Variants in GTF3C1 observed in about 807,000 individuals in gnomAD.
The protein encoded by GTF3C1 is general transcription factor IIIC subunit 1.
In GTF3C1, 57 loss-of-function variants were observed where a neutral mutation model predicts 226.7. The ratio of observed to expected loss-of-function variants is 0.25; its 90% confidence interval spans 0.20 to 0.31. GTF3C1 has a LOEUF of 0.31. GTF3C1 is among the 10% of genes least tolerant of loss of function. The probability of loss-of-function intolerance (pLI) is 1.00; values close to 1 mark genes in which losing one functional copy is unlikely to be tolerated. For synonymous variants in GTF3C1, 1,090 were observed against 1,084.8 expected (o/e 1.00, Z -0.09); for missense variants, 2,217 against 2,776.1 (o/e 0.80, Z 4.53).
At chr16:27,480,118 G>A (rs752628132) in intron 27 of GTF3C1, among the ~76,000 whole-genome samples, 6 of 150,828 alleles carry the variant, frequency 4.0e-5, no homozygotes, top group Non-Finnish European at 8.8e-5. Context: ...GGAGAATGAC[G>A]TGAACCTGGG....
intron 33 of GTF3C1, among the ~76,000 whole-genome samples, 179 bp from the exon 34 acceptor site, chr16:27,465,015 G>C (rs890925406): frequency 6.6e-6 from 1 of 152,224 alleles, no homozygotes; most frequent in Non-Finnish European, 1.5e-5. Context: ...CTGTGCCCTG[G>C]AGCAGCATCT....
At chr16:27,502,814 ACT>A (rs1165403195) in intron 11 of GTF3C1, 43 bp downstream of exon 11, 19 of 1,546,432 alleles carry the variant, frequency 1.2e-5, no homozygotes, top group Non-Finnish European at 1.6e-5. Context: ...TAGGAGGATT[ACT>A]GTTAGTGCCA....
In GTF3C1 at chr16:27,463,900, C is replaced by T. The variant is rs978372550; in HGVS notation, c.5873-308G>A. The T allele has an allele frequency of 2.8e-5, 12 of 428,096 alleles. No individual in the cohort carries two copies. Among genetic ancestry groups the T allele is most frequent in the African/African-American group, 4.2e-5 (2 of 48,146 alleles). 26.5% of individuals were successfully genotyped at this position (428,096 alleles called of 1,614,324 possible). ...CCGACCACAAGGGTGGTATAAAACC[C>T]GAGGCAAAAACACCCCAAAGAAAAC... On this transcript the variant is annotated intron_variant, in intron 34 of 36. Transcript: ENST00000356183. This position sits in a 1 kb window ranked among gnomAD's most constrained non-coding sequence, Gnocchi z 4.9.
Position 27,462,717 on chromosome 16 carries a change from G to GT in GTF3C1, c.5925-232dup. The GT allele has an allele frequency of 1.9e-6, 1 of 515,826 alleles. No individual in the cohort carries two copies. 32.0% of individuals were successfully genotyped at this position (515,826 alleles called of 1,614,324 possible). On this transcript the variant is annotated intron_variant, in intron 35 of 36. Coordinates refer to ENST00000356183, the MANE Select transcript of GTF3C1 (RefSeq NM_001520.4). This position sits in a 1 kb window ranked among gnomAD's most constrained non-coding sequence, Gnocchi z 4.5. ...ACGTGGTGTCCGCTCTGATGTAGCT[G>GT]TAACTGAGGCCTCAGTGGGCCCACC... is the stretch of plus-strand genomic sequence containing the variant.
In GTF3C1 at chr16:27,461,648, T is replaced by A. The variant is rs2141334903; in HGVS notation, c.6118-86A>T. ...CTTCAAGCATTTATGGAATGCCCCC[T>A]CTGTACCAGGGAGCCACTTCCCAGA... is the stretch of plus-strand genomic sequence containing the variant. On this transcript the variant is annotated intron_variant, in intron 36 of 36. Coordinates refer to ENST00000356183, the MANE Select transcript of GTF3C1 (RefSeq NM_001520.4). The surrounding 1 kb of genome is among the most constrained non-coding windows in gnomAD (Gnocchi z 5.3). 1.9e-6 allele frequency: 2 copies of A among 1,041,674 alleles called. No homozygotes were observed. The highest frequency in any genetic ancestry group is 2.9e-6 in the Non-Finnish European group (2 of 691,906). 64.5% of individuals were successfully genotyped at this position (1,041,674 alleles called of 1,614,324 possible). A position where few individuals can be genotyped will look rare whatever the true frequency, so the allele number is the denominator to read the frequency against.
Position 27,472,028 on chromosome 16 carries a change from C to T in GTF3C1, c.4354-108G>A, listed in dbSNP as rs552163094. On this transcript the variant is annotated intron_variant, in intron 29 of 36. Coordinates refer to ENST00000356183, the MANE Select transcript of GTF3C1 (RefSeq NM_001520.4). ...GCTGATGCTTTATAGAGGAAGTGAC[C>T]GATCGTGGGAGGCCCAGGCTGGCGT... 3.9e-5 allele frequency: 37 copies of T among 943,282 alleles called. 2 individuals are homozygous for T. The highest frequency in any genetic ancestry group is 2.0e-4 in the South Asian group (13 of 65,672). 58.4% of individuals were successfully genotyped at this position (943,282 alleles called of 1,614,324 possible).
At chr16:27,508,043 CTT>C (rs1389572568) in intron 8 of GTF3C1, among the ~76,000 whole-genome samples, 3 of 152,252 alleles carry the variant, frequency 2.0e-5, no homozygotes, top group East Asian at 3.8e-4. Flanking sequence ...GAGTTTCACT[CTT>C]GTTGCCCAGG....
chr16:27,535,430 C>T (rs1348222104), intron 4 of GTF3C1, among the ~76,000 whole-genome samples: 1 of 151,968 alleles, frequency 6.6e-6, no homozygotes, highest in Admixed American at 6.6e-5. Context: ...AAAAAATTAG[C>T]CAGGTGTGGT....
In GTF3C1 at chr16:27,469,571, G is replaced by C. The variant is rs779151907; in HGVS notation, c.4815-21C>G. The C allele has an allele frequency of 6.3e-7, 1 of 1,599,318 alleles. No homozygotes were observed. The highest frequency in any genetic ancestry group is 1.1e-5 in the South Asian group (1 of 89,844). On this transcript the variant is annotated intron_variant, in intron 31 of 36. Coordinates refer to ENST00000356183, the MANE Select transcript of GTF3C1 (RefSeq NM_001520.4). The surrounding 1 kb of genome is among the most constrained non-coding windows in gnomAD (Gnocchi z 4.5). ...CCAAGCTAGAAGGGAATTGTGACCT[G>C]GATACCTGAGCATAGGCCAGCCAGT...
Position 27,529,813 on chromosome 16 carries a change from G to T in GTF3C1, c.850-1092C>A, listed in dbSNP as rs56055009. ...GCCCACCCGGTTCCAGGGGGCCACA[G>T]CCTTTGCGCTCCCCAATCAGACCCT... On this transcript the variant is annotated intron_variant, in intron 5 of 36. Transcript: ENST00000356183. Among the ~76,000 whole-genome samples the T allele has an allele frequency of 2.5e-3, 381 of 152,320 alleles. 2 individuals are homozygous for T. The highest frequency in any genetic ancestry group is 8.7e-3 in the African/African-American group (362 of 41,570).
At chr16:27,520,275 C>T (rs761904091) in intron 6 of GTF3C1, among the ~76,000 whole-genome samples, 14 of 152,078 alleles carry the variant, frequency 9.2e-5, no homozygotes, top group African/African-American at 1.2e-4. Flanking sequence ...CTAACACACC[C>T]GGCTAATTTT....
intron 9 of GTF3C1, 127 bp downstream of exon 9, chr16:27,506,720 G>T: frequency 1.6e-6 from 1 of 625,954 alleles, no homozygotes; most frequent in Non-Finnish European, 2.8e-6. Flanking sequence ...ACAAGTGACA[G>T]TGTCAGGCCT....
Position 27,464,356 on chromosome 16 carries a change from G to T in GTF3C1, c.5836C>A (p.Gln1946Lys). The T allele has an allele frequency of 6.5e-7, 1 of 1,550,222 alleles. No homozygotes were observed. Among genetic ancestry groups the T allele is most frequent in the Non-Finnish European group, 8.7e-7 (1 of 1,152,380 alleles). Reference protein sequence around the residue: ...SSPGQEQLSGQAQPPEGSEDP... With the variant: ...SSPGQEQLSGKAQPPEGSEDP... ...TCAGAGCCCTCTGGAGGCTGCGCCT[G>T]GCCGCTCAGCTGCTCTTGGCCTGGG... The change falls in exon 34 of 37, where the codon CAG (glutamine) becomes AAG (lysine). Residue 1946 changes from glutamine (Q) to lysine (K), a missense_variant. Coordinates refer to ENST00000356183, the MANE Select transcript of GTF3C1 (RefSeq NM_001520.4).
chr16:27,476,023 A>G (rs2087945536), intron 29 of GTF3C1, among the ~76,000 whole-genome samples: 1 of 152,176 alleles, frequency 6.6e-6, no homozygotes, highest in South Asian at 2.1e-4. Flanking sequence ...AAGCTGGCCA[A>G]GGGGTGCAAA....
At chr16:27,518,225 T>C (rs1049413710) in intron 6 of GTF3C1, among the ~76,000 whole-genome samples, 4 of 151,468 alleles carry the variant, frequency 2.6e-5, no homozygotes, top group African/African-American at 9.7e-5. Flanking sequence ...GGCCAGAGGC[T>C]GAAAGCACAG....
In GTF3C1 at chr16:27,492,466, C is replaced by T; in HGVS notation, c.3023G>A (p.Cys1008Tyr). ...KNAVIVDTTICDPHYNLARSS... is the reference protein window; with the variant it reads ...KNAVIVDTTIYDPHYNLARSS... ...GCGGGCCAGGTTGTAATGTGGGTCG[C>T]AGATGGTAGTGTCAACAATGACTGC... is the stretch of plus-strand genomic sequence containing the variant. Residue 1008 changes from cysteine (C) to tyrosine (Y), a missense_variant, in exon 19 of 37, where the codon TGC becomes TAC. By Grantham distance (194) the Cys-to-Tyr change is radical. Transcript: ENST00000356183. This position sits in a 1 kb window ranked among gnomAD's most constrained non-coding sequence, Gnocchi z 5.0. The T allele has an allele frequency of 6.2e-7, 1 of 1,613,584 alleles. No homozygotes were observed. The highest frequency in any genetic ancestry group is 8.5e-7 in the Non-Finnish European group (1 of 1,179,498).
chr16:27,492,029 T>C lies in GTF3C1; in HGVS notation c.3151+309A>G, dbSNP rs2088240327. On this transcript the variant is annotated intron_variant, in intron 19 of 36. Transcript: ENST00000356183. The surrounding 1 kb of genome is among the most constrained non-coding windows in gnomAD (Gnocchi z 5.0). ...GAAGGCAGGGCGGGCTGTGTTCTCA[T>C]TGTGGCACTGTCAGGCACAGGAAGT... Among the ~76,000 whole-genome samples the C allele has an allele frequency of 1.3e-5, 2 of 152,322 alleles. No individual in the cohort carries two copies. The highest frequency in any genetic ancestry group is 4.1e-4 in the South Asian group (2 of 4,826).
At position 27,464,613 on chromosome 16, in the gene GTF3C1, G is replaced by A. The variant is rs1444827050; in HGVS notation, c.5579C>T (p.Thr1860Ile). Residue 1860 changes from threonine to isoleucine, a missense_variant, in exon 34 of 37, where the codon ACC becomes ATC. Thr to Ile is a moderately conservative substitution (Grantham distance 89). Transcript: ENST00000356183. Reference sequence around the variant, plus strand: ...ACTGGCCCAGCTGGCGCGCCTCTTGGTGCCCCGGGGGCTGTGAGAAGGAGG... The same window carrying A: ...ACTGGCCCAGCTGGCGCGCCTCTTGATGCCCCGGGGGCTGTGAGAAGGAGG... ...QAPPSHSPRGTKRRASWASEN... is the reference protein window; with the variant it reads ...QAPPSHSPRGIKRRASWASEN... 2.0e-6 allele frequency: 3 copies of A among 1,499,924 alleles called. No individual in the cohort carries two copies. The highest frequency in any genetic ancestry group is 2.7e-6 in the Non-Finnish European group (3 of 1,124,708). The allele number at this position is 1,499,924 out of a possible 1,614,324, so 92.9% of individuals were successfully genotyped here.
Position 27,537,102 on chromosome 16 carries a change from T to TC in GTF3C1, c.752+681dup, listed in dbSNP as rs565834389. Among the ~76,000 whole-genome samples, 5 of 152,350 alleles carry TC rather than the reference T, an allele frequency of 3.3e-5. No individual in the cohort carries two copies. In the South Asian group the frequency reaches 1.0e-3, roughly 32 times the overall value. ...CACATTGTTATCGCTTAGCAGAACC[T>TC]CGCCATCTTGTCCATATAGGTTATT... On this transcript the variant is annotated intron_variant, in intron 4 of 36. Transcript: ENST00000356183.
Sources: allele counts gnomAD v4.1 joint callset (sites outside exome capture counted in the v4.1 genomes callset), GRCh38; gene constraint gnomAD v4.1.1; non-coding constraint Gnocchi (gnomAD v3.1); transcripts MANE v1.5; gene names NCBI Gene and HGNC (gene_info 2026-07-23, HGNC 2026-07-21).